CSMD1: variants seen among roughly 807,000 people sequenced by gnomAD.
CSMD1 encodes the protein CUB and Sushi multiple domains 1, also known as CUB and sushi domain-containing protein 1.
Under a neutral mutation model 417.5 loss-of-function variants are expected in CSMD1, and 213 were observed. The observed-to-expected ratio is 0.51, with a 90% CI of 0.46 to 0.57. CSMD1 has a LOEUF of 0.57. Among genes scored for constraint, CSMD1 ranks in the 20% least tolerant of loss-of-function variants. The pLI, the probability that CSMD1 is intolerant of heterozygous loss-of-function variation, is 0.00. For synonymous variants in CSMD1, 2,862 were observed against 1,736.8 expected (o/e 1.65, Z -16.11); for missense variants, 6,923 against 4,529.7 (o/e 1.53, Z -15.17).
At position 4,146,194 on chromosome 8, in the gene CSMD1, A is replaced by G. The variant is rs1804110139; in HGVS notation, c.416-114095T>C. 3.3e-5 allele frequency among the ~76,000 whole-genome samples: 5 copies of G among 151,068 alleles called. No individual in the cohort carries two copies. The South Asian group carries it at 1.0e-3, about 31-fold the overall frequency. On this transcript the variant is annotated intron_variant, in intron 3 of 69. Transcript: ENST00000635120. ...CTCCGCTGGCCAAGTCGATTCTCAAAAAAAGGGTGATATCGTTTGGAAACA... is the reference window on the plus strand; with the variant it reads ...CTCCGCTGGCCAAGTCGATTCTCAAGAAAAGGGTGATATCGTTTGGAAACA...
chr8:4,435,980 TTC>T (rs1398081892), intron 2 of CSMD1, among the ~76,000 whole-genome samples: 4 of 152,154 alleles, frequency 2.6e-5, no homozygotes, highest in African/African-American at 9.7e-5. Context: ...CCATCTACTT[TTC>T]TGTCACAAAC....
At chr8:3,849,124 G>T (rs1358356720) in intron 5 of CSMD1, among the ~76,000 whole-genome samples, 2 of 152,050 alleles carry the variant, frequency 1.3e-5, no homozygotes, top group African/African-American at 4.8e-5. Flanking sequence ...TACACTGAAA[G>T]ACAAGGAAGC....
intron 3 of CSMD1, among the ~76,000 whole-genome samples, chr8:4,077,973 G>A (rs1010567426): frequency 6.6e-6 from 1 of 151,956 alleles, no homozygotes; most frequent in Non-Finnish European, 1.5e-5. Flanking sequence ...GTGTCCCCAG[G>A]CTCTCCGATT....
At chr8:3,755,308 C>G (rs772674453) in intron 5 of CSMD1, among the ~76,000 whole-genome samples, 4 of 152,074 alleles carry the variant, frequency 2.6e-5, no homozygotes, top group African/African-American at 9.7e-5. Context: ...AAACTGGACA[C>G]GAAAATACCT....
intron 5 of CSMD1, among the ~76,000 whole-genome samples, chr8:3,936,578 T>C (rs1810514685): frequency 6.6e-6 from 1 of 152,176 alleles, no homozygotes; most frequent in Admixed American, 6.5e-5. Flanking sequence ...AGCACATCTC[T>C]TTATAGCATG....
At chr8:4,330,452 T>C (rs1233202324) in intron 3 of CSMD1, among the ~76,000 whole-genome samples, 2 of 151,968 alleles carry the variant, frequency 1.3e-5, no homozygotes, top group South Asian at 2.1e-4. Context: ...GAACCATGCA[T>C]GTTGGCAGGT....
At chr8:4,102,609 C>G (rs1341512485) in intron 3 of CSMD1, among the ~76,000 whole-genome samples, 1 of 152,192 alleles carries the variant, frequency 6.6e-6, no homozygotes, top group African/African-American at 2.4e-5. Context: ...CTCATGTCTA[C>G]TCAAATGCCT....
chr8:3,447,723 G>C (rs1019188077), intron 12 of CSMD1, among the ~76,000 whole-genome samples: 1 of 152,164 alleles, frequency 6.6e-6, no homozygotes, highest in African/African-American at 2.4e-5. Context: ...CCTGTTGCAG[G>C]GATGGACAGG....
intron 1 of CSMD1, among the ~76,000 whole-genome samples, chr8:4,739,155 A>C (rs1345106653): frequency 6.6e-6 from 1 of 152,196 alleles, no homozygotes; most frequent in Non-Finnish European, 1.5e-5. Context: ...CACACACTTT[A>C]CTTCCTAATA....
chr8:4,515,404 G>A (rs1267899033), intron 2 of CSMD1, among the ~76,000 whole-genome samples: 1 of 152,170 alleles, frequency 6.6e-6, no homozygotes, highest in Non-Finnish European at 1.5e-5. Flanking sequence ...CCATGAAGAG[G>A]CGTCTTTGTC....
chr8:4,290,197 C>G (rs906907822), intron 3 of CSMD1, among the ~76,000 whole-genome samples: 1 of 152,098 alleles, frequency 6.6e-6, no homozygotes, highest in African/African-American at 2.4e-5. Flanking sequence ...AAGAATCAGT[C>G]AAAGGAAACA....
At chr8:4,095,471 G>C (rs529728626) in intron 3 of CSMD1, among the ~76,000 whole-genome samples, 13 of 152,258 alleles carry the variant, frequency 8.5e-5, no homozygotes, top group African/African-American at 2.2e-4. Context: ...TTGTATTTTT[G>C]TGTTGTTTTT....
At chr8:4,621,221 C>G (rs1030050157) in intron 2 of CSMD1, among the ~76,000 whole-genome samples, 3 of 151,976 alleles carry the variant, frequency 2.0e-5, no homozygotes. Flanking sequence ...ACACTAAATA[C>G]AAAATTCATT....
intron 3 of CSMD1, among the ~76,000 whole-genome samples, chr8:4,347,226 C>T (rs1473337613): frequency 6.6e-6 from 1 of 152,080 alleles, no homozygotes; most frequent in African/African-American, 2.4e-5. Context: ...TTGGAAATTA[C>T]ATCATGCTTA....
At chr8:3,281,234 G>A (rs969647383) in intron 26 of CSMD1, among the ~76,000 whole-genome samples, 2 of 152,158 alleles carry the variant, frequency 1.3e-5, no homozygotes, top group African/African-American at 2.4e-5. Flanking sequence ...CCTGAGGTAA[G>A]GAGTTTGACA....
At chr8:3,963,740 G>C (rs959391548) in intron 5 of CSMD1, among the ~76,000 whole-genome samples, 1 of 152,102 alleles carries the variant, frequency 6.6e-6, no homozygotes, top group African/African-American at 2.4e-5. Flanking sequence ...CAAAACAAAA[G>C]CTATATGAAT....
At chr8:4,754,215 C>T (rs992314006) in intron 1 of CSMD1, among the ~76,000 whole-genome samples, 1 of 152,142 alleles carries the variant, frequency 6.6e-6, no homozygotes, top group Non-Finnish European at 1.5e-5. Context: ...CAACTCTTAA[C>T]AGTCGGGATC....
At chr8:4,614,733 T>G (rs936487560) in intron 2 of CSMD1, among the ~76,000 whole-genome samples, 4 of 152,108 alleles carry the variant, frequency 2.6e-5, no homozygotes, top group African/African-American at 9.7e-5. Context: ...AAATATTCAA[T>G]TACAGTGGAA....
chr8:3,576,486 C>T (rs13271744), intron 9 of CSMD1, among the ~76,000 whole-genome samples: 1 of 151,860 alleles, frequency 6.6e-6, no homozygotes, highest in Non-Finnish European at 1.5e-5. Context: ...AATGGGACAA[C>T]ATAATTTGAG....
Sources: allele counts gnomAD v4.1 joint callset (sites outside exome capture counted in the v4.1 genomes callset), GRCh38; gene constraint gnomAD v4.1.1; transcripts MANE v1.5; gene names NCBI Gene and HGNC (gene_info 2026-07-23, HGNC 2026-07-21).